FAM83B: variants seen among roughly 807,000 people sequenced by gnomAD.
FAM83B encodes scaffolding CK1 anchoring protein B.
In FAM83B, 26 loss-of-function variants were observed where a neutral mutation model predicts 38.8. The ratio of observed to expected loss-of-function variants is 0.67; its 90% CI spans 0.49 to 0.93. The LOEUF (loss-of-function observed/expected upper bound fraction) is 0.93, where lower values mean the gene tolerates loss of function less well. Among genes scored for constraint, FAM83B ranks in the 40% least tolerant of loss-of-function variants. The pLI is 0.00. For missense variants in FAM83B, 1,237 were observed against 1,197.3 expected (o/e 1.03, Z -0.49); for synonymous variants, 419 against 423.1 (o/e 0.99, Z 0.12).
rs370742915 is a variant in FAM83B, at chr6:54,941,693, C to T, written c.2722C>T (p.Pro908Ser). The change falls in exon 5 of 5, where the codon CCT (proline) becomes TCT (serine). Residue 908 changes from proline to serine, a missense_variant. Transcript: ENST00000306858. ...AAGGGAGATTAATGCAGTTGTTACC[C>T]CTGAAAGAAGACCTACTTCTTCTCC... ...DSREINAVVT[P>S]ERRPTSSPRP... 9 of 1,613,918 alleles carry T rather than the reference C, an allele frequency of 5.6e-6. No individual in the cohort carries two copies. The African/African-American group carries it at 9.3e-5, about 17-fold the overall frequency.
rs373459050 is a variant in FAM83B at position 54,941,339 on chromosome 6, T to C, written c.2368T>C (p.Ser790Pro). ...SLTPDKKENL[S>P]KNKAPAFYRL... is the part of the protein sequence containing the mutation. ...TACCCCAGATAAGAAAGAAAATCTATCCAAAAATAAAGCACCTGCCTTTTA... is the reference window on the plus strand; with the variant it reads ...TACCCCAGATAAGAAAGAAAATCTACCCAAAAATAAAGCACCTGCCTTTTA... Residue 790 changes from serine (S) to proline (P), a missense_variant, in exon 5 of 5, where the codon TCC (serine) becomes CCC (proline). Ser to Pro is a moderately conservative substitution (Grantham distance 74, BLOSUM62 -1). Coordinates refer to ENST00000306858, the MANE Select transcript of FAM83B (RefSeq NM_001010872.3). 56 of 1,612,792 alleles carry C rather than the reference T, an allele frequency of 3.5e-5. No individual in the cohort carries two copies. The highest frequency in any genetic ancestry group is 3.3e-4 in the East Asian group (15 of 44,866).
chr6:54,895,887 TG>T (rs777539002), intron 2 of FAM83B, among the ~76,000 whole-genome samples: 4 of 151,484 alleles, frequency 2.6e-5, no homozygotes, highest in Admixed American at 6.6e-5. Context: ...ATTACCTTTT[TG>T]TTTTGTTTTG....
At chr6:54,848,393 T>C (rs1054100591) in intron 1 of FAM83B, among the ~76,000 whole-genome samples, 17 of 152,164 alleles carry the variant, frequency 1.1e-4, no homozygotes, top group African/African-American at 4.1e-4. Flanking sequence ...TGGCAGGCTT[T>C]AGACCGCAGA....
chr6:54,935,548 A>G (rs1773508263), intron 4 of FAM83B, among the ~76,000 whole-genome samples: 1 of 152,152 alleles, frequency 6.6e-6, no homozygotes, highest in South Asian at 2.1e-4. Context: ...AAGCAAGGGA[A>G]GAGCTATCCA....
intron 2 of FAM83B, among the ~76,000 whole-genome samples, chr6:54,910,453 G>T (rs951027861): frequency 1.3e-5 from 2 of 152,054 alleles, no homozygotes; most frequent in Middle Eastern, 3.4e-3. Context: ...TTCGTTTTCC[G>T]AGGCTAATGC....
intron 4 of FAM83B, among the ~76,000 whole-genome samples, chr6:54,928,310 C>T (rs1406663406): frequency 1.3e-5 from 2 of 152,154 alleles, no homozygotes; most frequent in Non-Finnish European, 2.9e-5. Flanking sequence ...CTGTGTAAGG[C>T]GAAACCTTTG....
intron 2 of FAM83B, among the ~76,000 whole-genome samples, chr6:54,891,393 C>T (rs1441555305): frequency 6.6e-6 from 1 of 152,150 alleles, no homozygotes; most frequent in African/African-American, 2.4e-5. Context: ...CCTGTCTCTT[C>T]AACTGTTGTT....
At chr6:54,861,504 C>T (rs1771581569) in intron 1 of FAM83B, among the ~76,000 whole-genome samples, 1 of 149,936 alleles carries the variant, frequency 6.7e-6, no homozygotes, top group South Asian at 2.1e-4. Context: ...TTGCACTGAG[C>T]CAAGATTGTG....
intron 2 of FAM83B, among the ~76,000 whole-genome samples, chr6:54,893,862 A>C (rs1772459731): frequency 6.6e-6 from 1 of 152,146 alleles, no homozygotes; most frequent in Non-Finnish European, 1.5e-5. Flanking sequence ...GTGCACATGT[A>C]TGTATGTGTG....
chr6:54,883,424 T>G (rs1168585862), intron 2 of FAM83B, among the ~76,000 whole-genome samples: 1 of 144,648 alleles, frequency 6.9e-6, no homozygotes, highest in Non-Finnish European at 1.5e-5. Flanking sequence ...AACCTCCGCC[T>G]CCCAGGTTCA....
At chr6:54,877,601 A>C (rs1310731982) in intron 2 of FAM83B, among the ~76,000 whole-genome samples, 2 of 152,218 alleles carry the variant, frequency 1.3e-5, no homozygotes, top group African/African-American at 2.4e-5. Flanking sequence ...TTGAGTAATG[A>C]ATTTATATTA....
chr6:54,870,599 G>C lies in FAM83B; in HGVS notation c.353G>C (p.Gly118Ala). The change falls in exon 2 of 5, where the codon GGC (glycine) becomes GCC (alanine). Residue 118 changes from glycine to alanine, a missense_variant. Gly to Ala is a moderately conservative substitution (Grantham distance 60). Coordinates refer to ENST00000306858, the MANE Select transcript of FAM83B (RefSeq NM_001010872.3). ...WPYVMPGLLG[G>A]THIDLLFHPP... ...TATGTGATGCCCGGACTCTTAGGGG[G>C]CACCCATATAGATCTCCTTTTTCAT... 1 of 1,613,830 alleles carries C rather than the reference G, an allele frequency of 6.2e-7. No homozygotes were observed. Among genetic ancestry groups the C allele is most frequent in the Non-Finnish European group, 8.5e-7 (1 of 1,179,926 alleles).
chr6:54,903,948 A>G (rs544313741), intron 2 of FAM83B, among the ~76,000 whole-genome samples: 1 of 151,878 alleles, frequency 6.6e-6, no homozygotes, highest in South Asian at 2.1e-4. Flanking sequence ...CCTCACTAAG[A>G]TTTCATGGCA....
In FAM83B at chr6:54,943,237, A is replaced by G. The variant is rs1773744009; in HGVS notation, c.*1230A>G. On this transcript the variant is annotated 3_prime_UTR_variant, in exon 5 of 5. Transcript: ENST00000306858. The stretch of plus-strand genomic sequence containing the variant: ...TATGACTGCATAGTGTTTTTGTAAG[A>G]ATACCATTGGGAAAATGAGAAGTTT... 6.6e-6 allele frequency: 1 copy of G among 152,062 alleles called. No homozygotes were observed. The highest frequency in any genetic ancestry group is 2.4e-5 in the African/African-American group (1 of 41,328). The allele number at this position is 152,062 out of a possible 1,614,324, so 9.4% of individuals were successfully genotyped here.
chr6:54,941,082 T>G lies in FAM83B; in HGVS notation c.2111T>G (p.Leu704Arg). The G allele has an allele frequency of 6.2e-7, 1 of 1,613,384 alleles. No individual in the cohort carries two copies. Residue 704 changes from leucine to arginine, a missense_variant, in exon 5 of 5, where the codon CTG becomes CGG. Transcript: ENST00000306858. ...CCAGAAAAGCCCAAAGAAGATTTGC[T>G]GAAAAGTTCTAAAAGCATGCACAAT... ...RQPEKPKEDL[L>R]KSSKSMHNVT...
chr6:54,940,708 G>A lies in FAM83B; in HGVS notation c.1737G>A (p.Glu579=), dbSNP rs1406343279. The part of the protein sequence containing the change: ...IGSQGSETPK[E]VPDTPTNVQH... ...CTCAGGGAAGTGAGACACCTAAAGA[G>A]GTCCCAGACACCCCTACGAATGTAC... Residue 579 remains glutamate, a synonymous_variant, in exon 5 of 5, where the codon GAG becomes GAA. Coordinates refer to ENST00000306858, the MANE Select transcript of FAM83B (RefSeq NM_001010872.3). 5.6e-6 allele frequency: 9 copies of A among 1,613,806 alleles called. No homozygotes were observed. The highest frequency in any genetic ancestry group is 4.5e-5 in the East Asian group (2 of 44,870).
intron 2 of FAM83B, among the ~76,000 whole-genome samples, chr6:54,925,315 T>G (rs1187103232): frequency 1.3e-5 from 2 of 152,190 alleles, no homozygotes; most frequent in African/African-American, 4.8e-5. Context: ...TTTATTATCT[T>G]TATTACTTAT....
intron 2 of FAM83B, among the ~76,000 whole-genome samples, chr6:54,910,027 G>T (rs1013231013): frequency 6.6e-6 from 1 of 152,092 alleles, no homozygotes; most frequent in Non-Finnish European, 1.5e-5. Context: ...TCATTGTAAA[G>T]AATTTATATA....
intron 1 of FAM83B, among the ~76,000 whole-genome samples, chr6:54,865,437 T>G (rs1288164610): frequency 6.6e-6 from 1 of 152,172 alleles, no homozygotes; most frequent in Non-Finnish European, 1.5e-5. Context: ...CTTAACTTGA[T>G]TACATCTGCA....
Sources: allele counts gnomAD v4.1 joint callset (sites outside exome capture counted in the v4.1 genomes callset), GRCh38; gene constraint gnomAD v4.1.1; transcripts MANE v1.5; gene names NCBI Gene and HGNC (gene_info 2026-07-23, HGNC 2026-07-21).